UNC13A: variants seen among roughly 807,000 people sequenced by gnomAD.
The protein encoded by UNC13A is unc-13 homolog A.
In UNC13A, 61 loss-of-function variants were observed where a neutral mutation model predicts 219.7. The ratio of observed to expected loss-of-function variants is 0.28; its 90% CI spans 0.23 to 0.34. The LOEUF is 0.34. Ranked by LOEUF, UNC13A falls within the 10% of genes least tolerant of loss-of-function variation. The pLI, the probability that UNC13A is intolerant of heterozygous loss-of-function variation, is 1.00. For synonymous variants in UNC13A, 920 were observed against 884.6 expected (o/e 1.04, Z -0.71); for missense variants, 1,476 against 2,270.3 (o/e 0.65, Z 7.11).
At position 17,642,913 on chromosome 19, in the gene UNC13A, T is replaced by G. The variant is rs748593176; in HGVS notation, c.2404A>C (p.Ile802Leu). Residue 802 changes from isoleucine to leucine, a missense_variant, in exon 20 of 44, where the codon ATC becomes CTC. Physicochemically the swap from Ile to Leu is conservative, Grantham distance 5. This residue lies in a region of UNC13A where 66 missense variants were observed against 224.3 expected (regional missense o/e 0.29). Transcript: ENST00000519716. Reference sequence around the variant, plus strand: ...TCCTCGCCTTTGATCTCCACACTGATGTGGAGCCGGATGGCACCCGACACG... The same window carrying G: ...TCCTCGCCTTTGATCTCCACACTGAGGTGGAGCCGGATGGCACCCGACACG... Reference protein sequence around the residue: ...SAVSGAIRLHISVEIKGEEKV... With the variant: ...SAVSGAIRLHLSVEIKGEEKV... 11 of 1,610,702 alleles carry G rather than the reference T, an allele frequency of 6.8e-6. No individual in the cohort carries two copies.
chr19:17,617,447 A>G (rs576166140), intron 41 of UNC13A, among the ~76,000 whole-genome samples: 1 of 152,240 alleles, frequency 6.6e-6, no homozygotes, highest in Non-Finnish European at 1.5e-5. Flanking sequence ...TCCATCCCAG[A>G]GCTGTTAATC....
At position 17,647,422 on chromosome 19, in the gene UNC13A, G is replaced by C. The variant is rs1162689279; in HGVS notation, c.1887C>G (p.Asp629Glu). 6.2e-7 allele frequency: 1 copy of C among 1,613,632 alleles called. No individual in the cohort carries two copies. The highest frequency in any genetic ancestry group is 8.5e-7 in the Non-Finnish European group (1 of 1,179,852). The change falls in exon 17 of 44, where the codon GAC (aspartate) becomes GAG (glutamate). Residue 629 changes from aspartate (D) to glutamate (E), a missense_variant. Coordinates refer to ENST00000519716, the MANE Select transcript of UNC13A (RefSeq NM_001080421.3). ...TGTTGCGCTCCCGGATCTTCATGCGGTCCTTGAGCACCATGATGATGTTCT... is the reference window on the plus strand; with the variant it reads ...TGTTGCGCTCCCGGATCTTCATGCGCTCCTTGAGCACCATGATGATGTTCT... ...RTQNIIMVLK[D>E]RMKIRERNKP...
intron 1 of UNC13A, among the ~76,000 whole-genome samples, chr19:17,685,922 G>T (rs1455105599): frequency 6.6e-6 from 1 of 151,662 alleles, no homozygotes; most frequent in African/African-American, 2.4e-5. Flanking sequence ...AACATCTCTC[G>T]TGCTCAGCCA....
At chr19:17,630,080 C>T (rs1337239355) in intron 30 of UNC13A, 65 bp downstream of exon 30, 1 of 1,514,346 alleles carries the variant, frequency 6.6e-7, no homozygotes, top group African/African-American at 1.4e-5. Flanking sequence ...CCATCTCCAA[C>T]TCAGACTTCA....
intron 20 of UNC13A, 130 bp downstream of exon 20, chr19:17,642,715 A>T: frequency 1.3e-6 from 1 of 754,952 alleles, no homozygotes; most frequent in Non-Finnish European, 2.1e-6. Flanking sequence ...TTCCAGGTAA[A>T]GGGAATGGCA....
chr19:17,609,908 C>A (rs776765762), intron 43 of UNC13A, 32 bp downstream of exon 43: 1 of 1,611,270 alleles, frequency 6.2e-7, no homozygotes, highest in Non-Finnish European at 8.5e-7. Flanking sequence ...CCCTCCCTTG[C>A]CCCCATGCTC....
At chr19:17,652,576 G>A (rs1386428010) in intron 12 of UNC13A, 55 bp downstream of exon 12, 1 of 1,611,450 alleles carries the variant, frequency 6.2e-7, no homozygotes, top group Non-Finnish European at 8.5e-7. Context: ...GCGCAAACCA[G>A]CCTTGGACTT....
Position 17,666,719 on chromosome 19 carries a change from G to A in UNC13A, c.469-15C>T. The stretch of plus-strand genomic sequence containing the variant: ...TGGAACGAATACTGAAGGGGTGGAG[G>A]AAGGAGAAAGGGCTTCTCTCAGAGG... On this transcript the variant is annotated splice_polypyrimidine_tract_variant and intron_variant, in intron 6 of 43. Coordinates refer to ENST00000519716, the MANE Select transcript of UNC13A (RefSeq NM_001080421.3). 1 of 1,513,360 alleles carries A rather than the reference G, an allele frequency of 6.6e-7. No individual in the cohort carries two copies. The highest frequency in any genetic ancestry group is 1.3e-5 in the South Asian group (1 of 74,442). The allele number at this position is 1,513,360 out of a possible 1,614,324, so 93.7% of individuals were successfully genotyped here.
At chr19:17,675,983 G>C (rs7251241) in intron 2 of UNC13A, 29 bp downstream of exon 2, 1 of 1,549,878 alleles carries the variant, frequency 6.5e-7, no homozygotes, top group Non-Finnish European at 8.7e-7. Flanking sequence ...CAGACAACAC[G>C]GGACAGGACA....
chr19:17,625,842 C>CATTT (rs138418855), intron 34 of UNC13A, among the ~76,000 whole-genome samples: 17,661 of 151,508 alleles, frequency 0.12, 1,155 homozygotes, highest in Middle Eastern at 0.2. Flanking sequence ...TCCAACCATC[C>CATTT]ATTCATCCAT....
intron 12 of UNC13A, among the ~76,000 whole-genome samples, 166 bp downstream of exon 12, chr19:17,652,465 G>A (rs984460110): frequency 2.0e-5 from 3 of 152,112 alleles, no homozygotes; most frequent in Admixed American, 6.6e-5. Context: ...TTGTGTCTGC[G>A]TATGGCTGTG....
chr19:17,635,992 C>T (rs2076909498), intron 26 of UNC13A, 32 bp downstream of exon 26: 2 of 1,588,460 alleles, frequency 1.3e-6, no homozygotes, highest in East Asian at 2.2e-5. Flanking sequence ...CGATGACACC[C>T]AGATAATTAA....
chr19:17,629,599 T>A (rs1211580199), intron 30 of UNC13A, among the ~76,000 whole-genome samples: 4 of 152,066 alleles, frequency 2.6e-5, no homozygotes, highest in Non-Finnish European at 5.9e-5. Context: ...TGACCTGATC[T>A]CAAATCAAAA....
At chr19:17,616,518 G>T in intron 41 of UNC13A, 1 of 661,388 alleles carries the variant, frequency 1.5e-6, no homozygotes, top group South Asian at 1.6e-5. Context: ...TGGGGAGCGG[G>T]GAGAGACGAG....
intron 7 of UNC13A, among the ~76,000 whole-genome samples, chr19:17,665,692 T>C (rs2079627128): frequency 6.6e-6 from 1 of 152,178 alleles, no homozygotes; most frequent in South Asian, 2.1e-4. Context: ...ATTGTACATG[T>C]GCTGGCAGGA....
Position 17,636,172 on chromosome 19 carries a change from G to A in UNC13A, c.3082-15C>T. ...CCCTTCTTGGCCTGAAATGGACAGT[G>A]GAGACCTCGGTTATAGGGGGTCCAG... On this transcript the variant is annotated splice_polypyrimidine_tract_variant and intron_variant, in intron 25 of 43. Transcript: ENST00000519716. 6.3e-7 allele frequency: 1 copy of A among 1,583,620 alleles called. No individual in the cohort carries two copies. Among genetic ancestry groups the A allele is most frequent in the Non-Finnish European group, 8.6e-7 (1 of 1,163,474 alleles).
intron 12 of UNC13A, among the ~76,000 whole-genome samples, chr19:17,650,255 A>C (rs2079318450): frequency 6.6e-6 from 1 of 152,170 alleles, no homozygotes; most frequent in Non-Finnish European, 1.5e-5. Flanking sequence ...TTACGCCTGT[A>C]ATAATCCCAA....
rs1568507110 is a variant in UNC13A at position 17,623,567 on chromosome 19, CG to C, written c.4198-21del. On this transcript the variant is annotated intron_variant, in intron 35 of 43. Coordinates refer to ENST00000519716, the MANE Select transcript of UNC13A (RefSeq NM_001080421.3). Reference sequence around the variant, plus strand: ...GATCATCTGTCATCCGTGATGGGGGCGGGGCGGTGGGGGAGGGGGGAATAAG... The same window carrying C: ...GATCATCTGTCATCCGTGATGGGGGCGGGCGGTGGGGGAGGGGGGAATAAG... The C allele has an allele frequency of 3.7e-5, 10 of 271,994 alleles. No homozygotes were observed. The highest frequency in any genetic ancestry group is 5.9e-5 in the East Asian group (1 of 17,062). The allele number at this position is 271,994 out of a possible 1,614,324, so 16.8% of individuals were successfully genotyped here.
intron 28 of UNC13A, among the ~76,000 whole-genome samples, chr19:17,631,442 G>A (rs2076854171): frequency 6.6e-6 from 1 of 151,524 alleles, no homozygotes; most frequent in Non-Finnish European, 1.5e-5. Context: ...GCCCAGGCAG[G>A]CCTTGAACTC....
Sources: gnomAD v4.1 joint callset for allele counts (sites outside exome capture counted in the v4.1 genomes callset) on GRCh38, gnomAD v4.1.1 for gene constraint, gnomAD v4.1.1 regional missense constraint, MANE v1.5 for transcripts, NCBI Gene and HGNC (gene_info 2026-07-23, HGNC 2026-07-21) for gene names.